Variants in KCNK9 observed in about 807,000 individuals in gnomAD.
KCNK9 encodes potassium two pore domain channel subfamily K member 9, also known as potassium channel subfamily K member 9.
Under a neutral mutation model 10.8 loss-of-function variants are expected in KCNK9, and 1 was observed. The ratio of observed to expected loss-of-function variants is 0.09; its 90% confidence interval spans 0.03 to 0.44. The LOEUF is 0.44. KCNK9 is among the 20% of genes least tolerant of loss of function. The pLI, the probability that KCNK9 is intolerant of heterozygous loss-of-function variation, is 0.97. For synonymous variants in KCNK9, 231 were observed against 222.7 expected (o/e 1.04, Z -0.33); for missense variants, 303 against 515.0 (o/e 0.59, Z 3.98).
At chr8:139,694,820 C>T (rs1020858936) in intron 1 of KCNK9, among the ~76,000 whole-genome samples, 3 of 152,186 alleles carry the variant, frequency 2.0e-5, no homozygotes, top group Non-Finnish European at 2.9e-5. Flanking sequence ...GCAGGTCCAC[C>T]CCACTCACCT....
At chr8:139,623,882 G>A (rs966642236) in intron 1 of KCNK9, among the ~76,000 whole-genome samples, 3 of 152,136 alleles carry the variant, frequency 2.0e-5, no homozygotes, top group Non-Finnish European at 4.4e-5. Context: ...ACTCCCAGAG[G>A]GGCGCCTCCG....
In KCNK9 at chr8:139,693,626, G is replaced by T. The variant is rs567323956; in HGVS notation, c.283+9084C>A. ...TCTACTCAGAAAACTGAGTAGCACA[G>T]TGGGCTGGGGAGCAAAGAAACAAGT... On this transcript the variant is annotated intron_variant, in intron 1 of 1. Coordinates refer to ENST00000520439, the MANE Select transcript of KCNK9 (RefSeq NM_001282534.2). The surrounding 1 kb of genome is among the most constrained non-coding windows in gnomAD (Gnocchi z 4.1). 2.6e-4 allele frequency among the ~76,000 whole-genome samples: 40 copies of T among 152,304 alleles called. No individual in the cohort carries two copies. Among genetic ancestry groups the T allele is most frequent in the East Asian group, 2.1e-3 (11 of 5,166 alleles).
chr8:139,687,507 T>C (rs1229253955), intron 1 of KCNK9, among the ~76,000 whole-genome samples: 1 of 35,660 alleles, frequency 2.8e-5, no homozygotes, highest in African/African-American at 8.0e-5. Context: ...TATACATATA[T>C]ATGTATACAC....
intron 1 of KCNK9, among the ~76,000 whole-genome samples, chr8:139,685,311 C>G (rs758441463): frequency 7.9e-5 from 12 of 152,018 alleles, no homozygotes; most frequent in African/African-American, 2.4e-4. Flanking sequence ...ACTTTAAGTT[C>G]TAGGGTACAT....
In KCNK9 at chr8:139,618,294, G is replaced by T. The variant is rs772870980; in HGVS notation, c.1089C>A (p.Asp363Glu). Residue 363 changes from aspartate (D) to glutamate (E), a missense_variant, in exon 2 of 2, where the codon GAC becomes GAA. Physicochemically the swap from Asp to Glu is conservative, Grantham distance 45. Coordinates refer to ENST00000520439, the MANE Select transcript of KCNK9 (RefSeq NM_001282534.2). The surrounding 1 kb of genome is among the most constrained non-coding windows in gnomAD (Gnocchi z 7.9). ...SISPGLHSFTDHQRLMKRRKS... is the reference protein window; with the variant it reads ...SISPGLHSFTEHQRLMKRRKS... The stretch of plus-strand genomic sequence containing the variant: ...TCCGGCGTTTCATCAGCCTCTGGTG[G>T]TCGGTAAAGCTGTGTAACCCAGGAG... 1 of 1,614,196 alleles carries T rather than the reference G, an allele frequency of 6.2e-7. No homozygotes were observed. Among genetic ancestry groups the T allele is most frequent in the South Asian group, 1.1e-5 (1 of 91,078 alleles).
chr8:139,658,512 C>T (rs561990349), intron 1 of KCNK9, among the ~76,000 whole-genome samples: 47 of 152,320 alleles, frequency 3.1e-4, no homozygotes, highest in Non-Finnish European at 5.1e-4. Context: ...GCCACTGGTA[C>T]CCTTTTCCTT....
At chr8:139,672,047 C>T (rs973282302) in intron 1 of KCNK9, among the ~76,000 whole-genome samples, 15 of 152,278 alleles carry the variant, frequency 9.9e-5, no homozygotes, top group African/African-American at 2.6e-4. Flanking sequence ...AGAACAAGGG[C>T]GGGGGTGAGA....
intron 1 of KCNK9, among the ~76,000 whole-genome samples, chr8:139,634,439 C>G (rs1283421497): frequency 6.6e-6 from 1 of 152,182 alleles, no homozygotes. Context: ...TTTCCTGGAG[C>G]CCCCACTGCC....
intron 1 of KCNK9, among the ~76,000 whole-genome samples, chr8:139,697,768 T>C (rs758353552): frequency 6.6e-6 from 1 of 152,148 alleles, no homozygotes; most frequent in Non-Finnish European, 1.5e-5. Flanking sequence ...GTCTCTTTGA[T>C]GTACCCCAGA....
At chr8:139,642,585 C>G (rs1815536722) in intron 1 of KCNK9, among the ~76,000 whole-genome samples, 1 of 152,234 alleles carries the variant, frequency 6.6e-6, no homozygotes, top group South Asian at 2.1e-4. Flanking sequence ...CCCTGGAAGG[C>G]TCCTCCTCCC....
At position 139,703,109 on chromosome 8, in the gene KCNK9, C is replaced by T; in HGVS notation, c.-117G>A. On this transcript the variant is annotated 5_prime_UTR_variant, in exon 1 of 2. Transcript: ENST00000520439. The surrounding 1 kb of genome is among the most constrained non-coding windows in gnomAD (Gnocchi z 6.4). ...CCTCCTCCGCCGCCGCCGCCGCCGC[C>T]TCCAAGTTGTAAGCGGCGGCGGCAG... The T allele has an allele frequency of 3.5e-6, 3 of 861,788 alleles. No individual in the cohort carries two copies. Among genetic ancestry groups the T allele is most frequent in the South Asian group, 1.1e-4 (2 of 18,974 alleles). The allele number at this position is 861,788 out of a possible 1,614,324, so 53.4% of individuals were successfully genotyped here. A position where few individuals can be genotyped will look rare whatever the true frequency, so the allele number is the denominator to read the frequency against.
At chr8:139,642,827 G>A (rs1266593748) in intron 1 of KCNK9, among the ~76,000 whole-genome samples, 3 of 152,200 alleles carry the variant, frequency 2.0e-5, no homozygotes, top group Non-Finnish European at 2.9e-5. Context: ...GGAGAGTGGC[G>A]GCCCCCATGG....
Position 139,671,995 on chromosome 8 carries a change from C to T in KCNK9, c.283+30715G>A, listed in dbSNP as rs1816439647. 2.6e-5 allele frequency among the ~76,000 whole-genome samples: 4 copies of T among 152,186 alleles called. No homozygotes were observed. The South Asian group carries it at 6.2e-4, about 24-fold the overall frequency. On this transcript the variant is annotated intron_variant, in intron 1 of 1. Coordinates refer to ENST00000520439, the MANE Select transcript of KCNK9 (RefSeq NM_001282534.2). ...TGAAAATGTTAACACACTCGCAGTT[C>T]CCGCCCTGATGAACATGATGCAGCA...
exon 3 of KCNK9, chr8:139,601,582 T>C (rs905676166): frequency 6.6e-6 from 1 of 152,160 alleles, no homozygotes; most frequent in African/African-American, 2.4e-5. Context: ...CCGTCCTCTG[T>C]TGGGGCCGCC....
chr8:139,630,468 C>T (rs1018884944), intron 1 of KCNK9, among the ~76,000 whole-genome samples: 1 of 152,164 alleles, frequency 6.6e-6, no homozygotes, highest in African/African-American at 2.4e-5. Context: ...AATCCTAGAG[C>T]CACACAGCAG....
intron 2 of KCNK9, among the ~76,000 whole-genome samples, chr8:139,603,634 C>T (rs572268479): frequency 1.3e-5 from 2 of 152,328 alleles, no homozygotes; most frequent in Admixed American, 6.5e-5. Flanking sequence ...ACCTTGCTCT[C>T]TGCTTTCAGA....
intron 1 of KCNK9, among the ~76,000 whole-genome samples, chr8:139,645,861 C>A (rs1325442114): frequency 6.6e-6 from 1 of 152,168 alleles, no homozygotes; most frequent in Non-Finnish European, 1.5e-5. Context: ...GAGGGAGCTT[C>A]CCAAGCCTCA....
chr8:139,663,683 T>TGTTAG (rs1491113981), intron 1 of KCNK9, among the ~76,000 whole-genome samples: 1 of 74,414 alleles, frequency 1.3e-5, no homozygotes, highest in Non-Finnish European at 2.6e-5. Context: ...GTGTGTGTGT[T>TGTTAG]AGAGAGAGAG....
chr8:139,700,732 T>C (rs985388142), intron 1 of KCNK9, among the ~76,000 whole-genome samples: 3 of 152,242 alleles, frequency 2.0e-5, no homozygotes, highest in Middle Eastern at 3.4e-3. Flanking sequence ...CTTGACAGCT[T>C]CTCTTTGGAG....
Sources: gnomAD v4.1 joint callset for allele counts (sites outside exome capture counted in the v4.1 genomes callset) on GRCh38, gnomAD v4.1.1 for gene constraint, Gnocchi (gnomAD v3.1) non-coding constraint, MANE v1.5 for transcripts, NCBI Gene and HGNC (gene_info 2026-07-23, HGNC 2026-07-21) for gene names.